The following DIAPH2 variants were observed in gnomAD, a reference collection of about 807,000 sequenced individuals.
The protein encoded by DIAPH2 is protein diaphanous homolog 2.
Under a neutral mutation model 92.7 loss-of-function variants are expected in DIAPH2, and 35 were observed. The ratio of observed to expected loss-of-function variants is 0.38; its 90% CI spans 0.29 to 0.50. DIAPH2 has a LOEUF of 0.50. DIAPH2 is among the 20% of genes least tolerant of loss of function. The probability of loss-of-function intolerance (pLI) is 0.94; values close to 1 mark genes in which losing one functional copy is unlikely to be tolerated. For missense variants in DIAPH2, 701 were observed against 819.5 expected (o/e 0.86, Z 1.77); for synonymous variants, 301 against 280.4 (o/e 1.07, Z -0.73).
intron 4 of DIAPH2, among the ~76,000 whole-genome samples, chrX:96,811,187 A>G (rs1278254521): frequency 9.0e-6 from 1 of 111,147 alleles, no homozygotes; most frequent in Admixed American, 9.6e-5. Flanking sequence ...GTCCTCTTTT[A>G]TTTCATTGAG....
chrX:96,913,192 A>G (rs1270212914), intron 7 of DIAPH2, among the ~76,000 whole-genome samples: 2 of 111,310 alleles, frequency 1.8e-5, no homozygotes, highest in Non-Finnish European at 3.8e-5. Flanking sequence ...GAGCTAGTCA[A>G]TGAAACAAAC....
chrX:97,489,772 A>G (rs778035691), intron 26 of DIAPH2, among the ~76,000 whole-genome samples: 59 of 111,811 alleles, frequency 5.3e-4, no homozygotes, highest in Non-Finnish European at 9.4e-4. Flanking sequence ...ATCCTCACAT[A>G]TTAGGGATAA....
At chrX:96,884,192 T>TC in intron 5 of DIAPH2, 1 of 557,931 alleles carries the variant, frequency 1.8e-6, no homozygotes, top group Non-Finnish European at 2.8e-6. Context: ...TCGTAGCCTT[T>TC]CGGACAGCTC....
At chrX:96,918,783 A>G (rs2065522085) in intron 9 of DIAPH2, among the ~76,000 whole-genome samples, 166 bp downstream of exon 9, 2 of 112,061 alleles carry the variant, frequency 1.8e-5, no homozygotes, top group African/African-American at 6.5e-5. Context: ...ATTAGGAAAA[A>G]TACTTTTGAA....
At chrX:96,844,133 C>G (rs1040202129) in intron 4 of DIAPH2, among the ~76,000 whole-genome samples, 2 of 112,328 alleles carry the variant, frequency 1.8e-5, no homozygotes, top group Admixed American at 1.9e-4. Flanking sequence ...TGCACATACT[C>G]TTTCAGATAT....
chrX:96,924,272 T>G (rs929359553), intron 9 of DIAPH2, among the ~76,000 whole-genome samples: 4 of 112,385 alleles, frequency 3.6e-5, no homozygotes, highest in Admixed American at 1.9e-4. Context: ...GACAGTTTTA[T>G]ATTATTGTCA....
At chrX:97,105,177 G>A (rs2066931185) in intron 20 of DIAPH2, among the ~76,000 whole-genome samples, 1 of 111,389 alleles carries the variant, frequency 9.0e-6, no homozygotes, top group South Asian at 3.8e-4. Flanking sequence ...TGACAAAACT[G>A]GGGGAAATTG....
At chrX:97,540,209 G>A (rs895144688) in intron 26 of DIAPH2, among the ~76,000 whole-genome samples, 1 of 112,177 alleles carries the variant, frequency 8.9e-6, no homozygotes, top group African/African-American at 3.2e-5. Flanking sequence ...TATATGTACA[G>A]TAGTGAGTCA....
At chrX:96,865,816 C>T (rs2065101234) in intron 4 of DIAPH2, among the ~76,000 whole-genome samples, 1 of 112,282 alleles carries the variant, frequency 8.9e-6, no homozygotes, top group Admixed American at 9.4e-5. Flanking sequence ...ATAGTACACT[C>T]AAGAATTGGA....
chrX:97,150,061 T>G (rs2147422071), intron 22 of DIAPH2, among the ~76,000 whole-genome samples: 2 of 111,289 alleles, frequency 1.8e-5, no homozygotes, highest in South Asian at 7.6e-4. Flanking sequence ...ATCTACCCTC[T>G]TAAATTTTTA....
At chrX:97,362,077 C>T (rs1210086061) in intron 24 of DIAPH2, among the ~76,000 whole-genome samples, 2 of 110,731 alleles carry the variant, frequency 1.8e-5, no homozygotes, top group African/African-American at 6.6e-5. Context: ...CCTGTCTCTA[C>T]TAAAAATACA....
chrX:96,826,223 C>A (rs1172284655), intron 4 of DIAPH2, among the ~76,000 whole-genome samples: 3 of 110,212 alleles, frequency 2.7e-5, no homozygotes, highest in Non-Finnish European at 5.7e-5. Context: ...TCGAGACCAG[C>A]CTGGCCAAAA....
At chrX:96,997,277 A>G (rs2066111124) in intron 17 of DIAPH2, among the ~76,000 whole-genome samples, 1 of 111,653 alleles carries the variant, frequency 9.0e-6, no homozygotes, top group Non-Finnish European at 1.9e-5. Context: ...TTCTGTTGAT[A>G]TAGCATATTG....
chrX:97,323,737 C>T (rs770125771), intron 23 of DIAPH2, among the ~76,000 whole-genome samples: 2 of 106,174 alleles, frequency 1.9e-5, no homozygotes, highest in Admixed American at 1.0e-4. Flanking sequence ...AACCCCATCT[C>T]TACTAAAAAT....
At chrX:97,210,694 A>G (rs2067833160) in intron 22 of DIAPH2, among the ~76,000 whole-genome samples, 1 of 111,926 alleles carries the variant, frequency 8.9e-6, no homozygotes, top group Non-Finnish European at 1.9e-5. Flanking sequence ...CTGAGGTTCA[A>G]CAGTTTCTAT....
At chrX:97,413,251 A>G (rs2069899529) in intron 25 of DIAPH2, among the ~76,000 whole-genome samples, 1 of 111,568 alleles carries the variant, frequency 9.0e-6, no homozygotes, top group Non-Finnish European at 1.9e-5. Flanking sequence ...CTGGTTCAAT[A>G]TATGCAAATC....
chrX:97,410,795 A>G (rs1602570517), intron 25 of DIAPH2, among the ~76,000 whole-genome samples: 1 of 112,147 alleles, frequency 8.9e-6, no homozygotes, highest in Non-Finnish European at 1.9e-5. Flanking sequence ...AAGTGGAAGA[A>G]AGGCTATCAG....
intron 17 of DIAPH2, among the ~76,000 whole-genome samples, chrX:97,007,760 T>TC (rs200250797): frequency 0.016 from 1,636 of 103,708 alleles, 57 homozygotes; most frequent in African/African-American, 0.057. Flanking sequence ...TTTCTTTTTT[T>TC]CTTTTTTTTT....
chrX:97,032,888 T>A (rs1319615656), intron 17 of DIAPH2, among the ~76,000 whole-genome samples: 1 of 111,830 alleles, frequency 8.9e-6, no homozygotes, highest in African/African-American at 3.2e-5. Context: ...TTTCCTCGAA[T>A]AATTCAGTAT....
Sources: allele counts gnomAD v4.1 joint callset (sites outside exome capture counted in the v4.1 genomes callset), GRCh38; gene constraint gnomAD v4.1.1; transcripts MANE v1.5; gene names NCBI Gene and HGNC (gene_info 2026-07-23, HGNC 2026-07-21).